ZFAND3: variants seen among roughly 807,000 people sequenced by gnomAD.
The protein encoded by ZFAND3 is AN1-type zinc finger protein 3.
In ZFAND3, 10 loss-of-function variants were observed where a neutral mutation model predicts 29.6. The observed-to-expected ratio is 0.34, with a 90% confidence interval of 0.21 to 0.57. The LOEUF (loss-of-function observed/expected upper bound fraction) is 0.57, where lower values mean the gene tolerates loss of function less well. Ranked by LOEUF, ZFAND3 falls within the 20% of genes least tolerant of loss-of-function variation. ZFAND3 has a pLI of 0.86. For synonymous variants in ZFAND3, 128 were observed against 112.6 expected, an observed-to-expected ratio of 1.14 and a Z score of -0.87; for missense variants, 230 against 304.5, an observed-to-expected ratio of 0.76 and a Z score of 1.82.
chr6:37,843,594 G>A (rs1025746816), intron 1 of ZFAND3, among the ~76,000 whole-genome samples: 5 of 152,256 alleles, frequency 3.3e-5, no homozygotes, highest in Admixed American at 3.3e-4. Flanking sequence ...GCTAATAGGA[G>A]AATTTTGTTT....
rs565999236 is a variant in ZFAND3 at position 37,949,968 on chromosome 6, A to G, written c.112+19969A>G. 3.1e-3 allele frequency among the ~76,000 whole-genome samples: 469 copies of G among 152,290 alleles called. 3 individuals are homozygous for G. The highest frequency in any genetic ancestry group is 0.011 in the African/African-American group (446 of 41,556). ...TGGGACCCTCTCATGGGAGGGTATT[A>G]AGACCCACAATCAGAAAAGGTAGGG... On this transcript the variant is annotated intron_variant, in intron 2 of 5. Coordinates refer to ENST00000287218, the MANE Select transcript of ZFAND3 (RefSeq NM_021943.3).
chr6:37,924,319 T>C (rs1298483786), intron 1 of ZFAND3, among the ~76,000 whole-genome samples: 1 of 151,994 alleles, frequency 6.6e-6, no homozygotes, highest in Non-Finnish European at 1.5e-5. Context: ...GTGCTTTTTT[T>C]TTTTTTTTTT....
intron 1 of ZFAND3, among the ~76,000 whole-genome samples, chr6:37,831,503 A>G (rs1035605930): frequency 6.6e-5 from 10 of 152,234 alleles, no homozygotes; most frequent in African/African-American, 4.8e-5. Context: ...CTCACGGTCT[A>G]GAAGGGGAGA....
intron 1 of ZFAND3, among the ~76,000 whole-genome samples, chr6:37,868,731 A>G (rs1477114484): frequency 6.6e-6 from 1 of 152,204 alleles, no homozygotes; most frequent in Non-Finnish European, 1.5e-5. Context: ...CTTGGTCATG[A>G]TGAATCATTT....
intron 2 of ZFAND3, among the ~76,000 whole-genome samples, chr6:37,965,614 C>G (rs1236142659): frequency 6.6e-6 from 1 of 151,346 alleles, no homozygotes; most frequent in Non-Finnish European, 1.5e-5. Flanking sequence ...CCCTTCTTGT[C>G]CTTCACTTCA....
intron 5 of ZFAND3, among the ~76,000 whole-genome samples, chr6:38,122,338 T>A (rs1175722478): frequency 6.6e-6 from 1 of 152,168 alleles, no homozygotes; most frequent in Non-Finnish European, 1.5e-5. Flanking sequence ...TGCTGTGTTG[T>A]TTAGGGAATA....
intron 1 of ZFAND3, among the ~76,000 whole-genome samples, chr6:37,833,578 A>C (rs941169097): frequency 2.6e-5 from 4 of 152,148 alleles, no homozygotes; most frequent in African/African-American, 9.7e-5. Flanking sequence ...TCATCCCAGT[A>C]CTTTGGGAGG....
At chr6:37,887,033 A>G (rs35653300) in intron 1 of ZFAND3, among the ~76,000 whole-genome samples, 12,216 of 151,126 alleles carry the variant, frequency 0.081, 569 homozygotes, top group African/African-American at 0.14. Flanking sequence ...TGTTAGTTGT[A>G]TATCATTGTA....
intron 1 of ZFAND3, among the ~76,000 whole-genome samples, chr6:37,895,504 C>G (rs1765186647): frequency 2.3e-5 from 2 of 85,354 alleles, no homozygotes; most frequent in Admixed American, 2.5e-4. Context: ...CTAGACTTAA[C>G]TTTTTGAATT....
chr6:38,135,004 A>G (rs773407637), intron 5 of ZFAND3, among the ~76,000 whole-genome samples: 1 of 152,218 alleles, frequency 6.6e-6, no homozygotes, highest in Non-Finnish European at 1.5e-5. Flanking sequence ...TGGAGCTTTC[A>G]TGGGTTGTTG....
At chr6:38,103,170 G>A (rs1369435782) in intron 4 of ZFAND3, among the ~76,000 whole-genome samples, 1 of 152,138 alleles carries the variant, frequency 6.6e-6, no homozygotes, top group South Asian at 2.1e-4. Context: ...TTCAAACTGC[G>A]ACTTTAAGGG....
intron 4 of ZFAND3, among the ~76,000 whole-genome samples, chr6:38,104,564 T>A: frequency 6.6e-6 from 1 of 152,162 alleles, no homozygotes; most frequent in East Asian, 1.9e-4. Context: ...GGTGGAATGA[T>A]GTTGTACATC....
intron 1 of ZFAND3, among the ~76,000 whole-genome samples, chr6:37,914,172 T>C (rs1044778823): frequency 6.6e-6 from 1 of 152,190 alleles, no homozygotes; most frequent in Non-Finnish European, 1.5e-5. Flanking sequence ...AACTCTTGGG[T>C]GACCAGGTGT....
At chr6:37,975,092 A>G (rs902192067) in intron 2 of ZFAND3, among the ~76,000 whole-genome samples, 16 of 152,228 alleles carry the variant, frequency 1.1e-4, no homozygotes, top group South Asian at 2.1e-4. Context: ...ATATTGTTCA[A>G]CATTCCTACC....
intron 2 of ZFAND3, among the ~76,000 whole-genome samples, chr6:37,952,501 C>G (rs543327025): frequency 3.3e-5 from 5 of 152,142 alleles, no homozygotes; most frequent in Admixed American, 6.5e-5. Flanking sequence ...TAGAAGTGTT[C>G]ATAATAGTCT....
In ZFAND3 at chr6:38,101,722, G is replaced by A. The variant is rs536054308; in HGVS notation, c.362-14850G>A. ...CTGGGAGGTGGAGGTTGCGGTGAGC[G>A]GAGATCGTGCCACTGTACTCCAGCC... On this transcript the variant is annotated intron_variant, in intron 4 of 5. Transcript: ENST00000287218. Among the ~76,000 whole-genome samples, 29 of 145,930 alleles carry A rather than the reference G, an allele frequency of 2.0e-4. 1 individual carries two copies. In the South Asian group the frequency reaches 5.4e-3, roughly 27 times the overall value.
intron 1 of ZFAND3, among the ~76,000 whole-genome samples, chr6:37,851,417 A>G (rs990486138): frequency 2.0e-5 from 3 of 152,088 alleles, no homozygotes; most frequent in Non-Finnish European, 2.9e-5. Flanking sequence ...ATAAGTTCTT[A>G]CTCTTTGAAA....
At chr6:37,898,847 T>A (rs986624705) in intron 1 of ZFAND3, among the ~76,000 whole-genome samples, 1 of 152,240 alleles carries the variant, frequency 6.6e-6, no homozygotes, top group Non-Finnish European at 1.5e-5. Flanking sequence ...TTTCTTTCCA[T>A]GATACCCAGT....
chr6:38,044,919 C>G (rs574444780), intron 2 of ZFAND3, among the ~76,000 whole-genome samples: 5 of 152,116 alleles, frequency 3.3e-5, no homozygotes, highest in African/African-American at 1.2e-4. Flanking sequence ...TTGTAGCTAG[C>G]CTCCAAAGCG....
Sources: gnomAD v4.1 joint callset for allele counts (sites outside exome capture counted in the v4.1 genomes callset) on GRCh38, gnomAD v4.1.1 for gene constraint, MANE v1.5 for transcripts, NCBI Gene and HGNC (gene_info 2026-07-23, HGNC 2026-07-21) for gene names.